Variants in FHIT observed in about 807,000 individuals in gnomAD.
FHIT encodes fragile histidine triad diadenosine triphosphatase, also known as bis(5'-adenosyl)-triphosphatase.
Under a neutral mutation model 17.9 loss-of-function variants are expected in FHIT, and 19 were observed. That is an observed-to-expected ratio of 1.06 (90% CI 0.74 to 1.56). FHIT has a LOEUF of 1.56. Among genes scored for constraint, FHIT ranks in the 40% most tolerant of loss-of-function variants. The pLI is 0.00. For missense variants in FHIT, 248 were observed against 189.2 expected, an observed-to-expected ratio of 1.31 and a Z score of -1.82; for synonymous variants, 81 against 69.7, an observed-to-expected ratio of 1.16 and a Z score of -0.81.
chr3:60,980,276 C>T (rs769868211), intron 3 of FHIT, among the ~76,000 whole-genome samples: 4 of 152,116 alleles, frequency 2.6e-5, no homozygotes, highest in Non-Finnish European at 5.9e-5. Flanking sequence ...TTTTCTGTCC[C>T]TAAGGAGTAA....
intron 4 of FHIT, among the ~76,000 whole-genome samples, chr3:60,560,832 C>G (rs1407706904): frequency 1.5e-5 from 2 of 135,224 alleles, no homozygotes; most frequent in African/African-American, 5.7e-5. Context: ...CACACACACA[C>G]ACACACACAC....
chr3:59,860,646 A>C (rs1404894929), intron 8 of FHIT, among the ~76,000 whole-genome samples: 2 of 152,204 alleles, frequency 1.3e-5, no homozygotes, highest in African/African-American at 4.8e-5. Flanking sequence ...TGGTGAGCAC[A>C]GGGCAGTCAG....
intron 3 of FHIT, among the ~76,000 whole-genome samples, chr3:61,022,908 G>A (rs2032530565): frequency 1.3e-5 from 2 of 152,168 alleles, no homozygotes; most frequent in East Asian, 1.9e-4. Context: ...AGCAAAAGCT[G>A]GAAGCATTCC....
At position 60,546,345 on chromosome 3, in the gene FHIT, C is replaced by T. The variant is rs549592441; in HGVS notation, c.-17-9366G>A. On this transcript the variant is annotated intron_variant, in intron 4 of 9. Transcript: ENST00000492590. ...TATTTCAGTAGTGGTTATTCGTGTT[C>T]TTATCCTATCCATACTAATGCTTAG... Among the ~76,000 whole-genome samples, 4 of 152,158 alleles carry T rather than the reference C, an allele frequency of 2.6e-5. No individual in the cohort carries two copies. The South Asian group carries it at 6.2e-4, about 24-fold the overall frequency.
intron 8 of FHIT, among the ~76,000 whole-genome samples, chr3:59,915,839 G>A (rs2107162568): frequency 6.6e-6 from 1 of 152,026 alleles, no homozygotes; most frequent in East Asian, 1.9e-4. Context: ...GGCTGAGGCA[G>A]GAGGATCACT....
At chr3:60,543,904 C>T (rs1241356600) in intron 4 of FHIT, among the ~76,000 whole-genome samples, 3 of 19,894 alleles carry the variant, frequency 1.5e-4, no homozygotes, top group African/African-American at 7.5e-4. Context: ...GCACCACGCC[C>T]GGCTTTTTTT....
At chr3:60,880,738 AAAC>A (rs3046744) in intron 3 of FHIT, among the ~76,000 whole-genome samples, 69,551 of 151,626 alleles carry the variant, frequency 0.46, 18,787 homozygotes, top group East Asian at 0.9. Context: ...TCTCAAAAAC[AAAC>A]AACAACAACA....
intron 4 of FHIT, among the ~76,000 whole-genome samples, chr3:60,624,258 G>A (rs1553679952): frequency 6.6e-6 from 1 of 152,184 alleles, no homozygotes; most frequent in Non-Finnish European, 1.5e-5. Flanking sequence ...AGAGACAGCA[G>A]GAAAGCTTAG....
chr3:60,298,615 C>G (rs1159415592), intron 5 of FHIT, among the ~76,000 whole-genome samples: 2 of 152,102 alleles, frequency 1.3e-5, no homozygotes, highest in Non-Finnish European at 2.9e-5. Context: ...TGCAGATATT[C>G]TTTATCAATT....
chr3:60,396,883 C>A (rs1701463514), intron 5 of FHIT, among the ~76,000 whole-genome samples: 1 of 151,532 alleles, frequency 6.6e-6, no homozygotes, highest in South Asian at 2.1e-4. Context: ...TGCTTTTTCC[C>A]CAGAACATTT....
In FHIT at chr3:60,539,376, A is replaced by T. The variant is rs995150277; in HGVS notation, c.-17-2397T>A. On this transcript the variant is annotated intron_variant, in intron 4 of 9. Coordinates refer to ENST00000492590, the MANE Select transcript of FHIT (RefSeq NM_002012.4). ...TAAACTAGTTCAACCATTGTGGAAG[A>T]CAGTGTGGTGATTCCTCAGGGATCT... Among the ~76,000 whole-genome samples, 43 of 152,290 alleles carry T rather than the reference A, an allele frequency of 2.8e-4. 1 individual carries two copies. Among genetic ancestry groups the T allele is most frequent in the South Asian group, 1.2e-3 (6 of 4,828 alleles).
At chr3:60,116,016 T>A (rs1446723356) in intron 5 of FHIT, among the ~76,000 whole-genome samples, 1 of 152,188 alleles carries the variant, frequency 6.6e-6, no homozygotes, top group African/African-American at 2.4e-5. Context: ...CAAATATTCT[T>A]TAATAAATTG....
rs568517131 is a variant in FHIT, at chr3:60,212,230, C to T, written c.104-198078G>A. Among the ~76,000 whole-genome samples, 10 of 152,194 alleles carry T rather than the reference C, an allele frequency of 6.6e-5. No individual in the cohort carries two copies. In the South Asian group the frequency reaches 1.7e-3, roughly 25 times the overall value. ...TGAAAACCAATTTAAGGTATGGAGC[C>T]TGTTTAAAACAAGGACTGGCTCCAG... On this transcript the variant is annotated intron_variant, in intron 5 of 9. Coordinates refer to ENST00000492590, the MANE Select transcript of FHIT (RefSeq NM_002012.4).
At chr3:60,614,451 C>G (rs1413913518) in intron 4 of FHIT, among the ~76,000 whole-genome samples, 1 of 151,962 alleles carries the variant, frequency 6.6e-6, no homozygotes, top group African/African-American at 2.4e-5. Context: ...TAAAAATACA[C>G]AAATTATCTG....
intron 5 of FHIT, among the ~76,000 whole-genome samples, chr3:60,069,930 C>A (rs1021140827): frequency 1.3e-5 from 2 of 152,326 alleles, no homozygotes; most frequent in East Asian, 1.9e-4. Context: ...GTCTAGCACA[C>A]TTTTCTCCTC....
intron 3 of FHIT, among the ~76,000 whole-genome samples, chr3:60,858,139 T>G (rs1475662116): frequency 6.6e-6 from 1 of 152,148 alleles, no homozygotes; most frequent in African/African-American, 2.4e-5. Context: ...ATGGTGTGTA[T>G]GCAATGAACA....
At position 60,903,815 on chromosome 3, in the gene FHIT, T is replaced by C. The variant is rs377608775; in HGVS notation, c.-110-81804A>G. Among the ~76,000 whole-genome samples, 11 of 152,316 alleles carry C rather than the reference T, an allele frequency of 7.2e-5. 1 individual carries two copies. The East Asian group carries it at 2.1e-3, about 29-fold the overall frequency. ...TCTGGCATCAAGATGGCTCCAAGAA[T>C]TGGACTGCCAATGAGGAAGTCAGGT... On this transcript the variant is annotated intron_variant, in intron 3 of 9. Transcript: ENST00000492590.
chr3:60,793,862 C>T (rs1168906049), intron 4 of FHIT, among the ~76,000 whole-genome samples: 1 of 152,142 alleles, frequency 6.6e-6, no homozygotes, highest in African/African-American at 2.4e-5. Flanking sequence ...GCCAGCAGCT[C>T]CAATTGGTCC....
chr3:60,993,929 C>T (rs756519639), intron 3 of FHIT, among the ~76,000 whole-genome samples: 12 of 152,100 alleles, frequency 7.9e-5, no homozygotes, highest in African/African-American at 2.2e-4. Flanking sequence ...CCATGAGCCA[C>T]GTGCCTATTG....
Sources: gnomAD v4.1 joint callset for allele counts (sites outside exome capture counted in the v4.1 genomes callset) on GRCh38, gnomAD v4.1.1 for gene constraint, MANE v1.5 for transcripts, NCBI Gene and HGNC (gene_info 2026-07-23, HGNC 2026-07-21) for gene names.